Variants in NELL1 observed in about 807,000 individuals in gnomAD.
The protein encoded by NELL1 is protein kinase C-binding protein NELL1.
In NELL1, 76 loss-of-function variants were observed where a neutral mutation model predicts 107.4. The observed-to-expected ratio is 0.71, with a 90% CI of 0.59 to 0.86. The LOEUF (loss-of-function observed/expected upper bound fraction) is 0.86, where lower values mean the gene tolerates loss of function less well. Among genes scored for constraint, NELL1 ranks in the 40% least tolerant of loss-of-function variants. The pLI is 0.00. For synonymous variants in NELL1, 353 were observed against 341.2 expected, an observed-to-expected ratio of 1.03 and a Z score of -0.38; for missense variants, 1,024 against 1,005.5, an observed-to-expected ratio of 1.02 and a Z score of -0.25.
At chr11:21,319,026 T>C (rs185490428) in intron 14 of NELL1, among the ~76,000 whole-genome samples, 235 of 152,202 alleles carry the variant, frequency 1.5e-3, no homozygotes, top group Non-Finnish European at 2.7e-3. Context: ...AACATTGTGT[T>C]ACTTGTTTCT....
chr11:20,787,007 C>CAAAAAAAAAAAAA (rs71443763), intron 3 of NELL1, among the ~76,000 whole-genome samples: 1 of 60,852 alleles, frequency 1.6e-5, no homozygotes, highest in African/African-American at 8.1e-5. Context: ...GACTCCGTCT[C>CAAAAAAAAAAAAA]AAAAAAAAAA....
chr11:20,738,554 CA>C (rs1855815452), intron 2 of NELL1, among the ~76,000 whole-genome samples: 1 of 152,118 alleles, frequency 6.6e-6, no homozygotes, highest in Non-Finnish European at 1.5e-5. Context: ...TTGATGTTTT[CA>C]AAAAGACTTT....
chr11:21,380,083 C>G (rs1851575907), intron 15 of NELL1, among the ~76,000 whole-genome samples: 1 of 152,078 alleles, frequency 6.6e-6, no homozygotes, highest in South Asian at 2.1e-4. Context: ...ACATCCATAG[C>G]AGACAGGAGA....
chr11:20,966,484 C>T (rs1016134179), intron 12 of NELL1, among the ~76,000 whole-genome samples: 2 of 152,048 alleles, frequency 1.3e-5, no homozygotes, highest in Admixed American at 1.3e-4. Flanking sequence ...TTCTTAGTTC[C>T]TGCTCCCATT....
intron 13 of NELL1, among the ~76,000 whole-genome samples, chr11:21,182,637 T>G (rs1856852809): frequency 6.6e-6 from 1 of 150,894 alleles, no homozygotes; most frequent in Non-Finnish European, 1.5e-5. Flanking sequence ...AATAGCCTTT[T>G]CAGGAAGCAG....
chr11:21,418,985 T>C (rs573320206), intron 15 of NELL1, among the ~76,000 whole-genome samples: 1 of 152,232 alleles, frequency 6.6e-6, no homozygotes, highest in East Asian at 1.9e-4. Context: ...AAATTATCGA[T>C]GCATAATCAC....
chr11:21,316,360 A>G (rs540659162), intron 14 of NELL1, among the ~76,000 whole-genome samples: 53 of 152,330 alleles, frequency 3.5e-4, no homozygotes, highest in African/African-American at 1.2e-3. Context: ...CATTATTAAA[A>G]TTAAAATGTA....
chr11:20,886,617 C>T (rs1268988933), intron 5 of NELL1, among the ~76,000 whole-genome samples: 1 of 152,082 alleles, frequency 6.6e-6, no homozygotes, highest in East Asian at 1.9e-4. Context: ...AGGTGTAATT[C>T]CGCATGTTCT....
At chr11:20,785,669 T>C (rs1004833296) in intron 3 of NELL1, among the ~76,000 whole-genome samples, 1 of 152,226 alleles carries the variant, frequency 6.6e-6, no homozygotes, top group African/African-American at 2.4e-5. Flanking sequence ...TGATGGAGGC[T>C]GGAGTTCCAG....
At chr11:20,873,013 A>C (rs997245867) in intron 4 of NELL1, among the ~76,000 whole-genome samples, 1 of 152,118 alleles carries the variant, frequency 6.6e-6, no homozygotes, top group African/African-American at 2.4e-5. Flanking sequence ...CTGGTTACCA[A>C]TGTCTGTTTT....
At chr11:21,146,708 CA>C (rs1197552533) in intron 13 of NELL1, among the ~76,000 whole-genome samples, 19 of 152,214 alleles carry the variant, frequency 1.2e-4, no homozygotes, top group African/African-American at 4.1e-4. Flanking sequence ...AAACAGTAAA[CA>C]GAACGGGAAG....
chr11:21,178,984 C>G (rs187734489), intron 13 of NELL1, among the ~76,000 whole-genome samples: 1 of 151,738 alleles, frequency 6.6e-6, no homozygotes, highest in East Asian at 1.9e-4. Context: ...TCTGACTGAA[C>G]AGGGGATAGG....
rs557320650 is a variant in NELL1, at chr11:21,405,392, TC to T, written c.1645+34446del. On this transcript the variant is annotated intron_variant, in intron 15 of 19. Transcript: ENST00000357134. Reference sequence around the variant, plus strand: ...TACCTGTTGTAAAAAGAAACAGGATTCCAATTTTTTCTGTTGTGTTTATTAT... The same window carrying T: ...TACCTGTTGTAAAAAGAAACAGGATTCAATTTTTTCTGTTGTGTTTATTAT... 3.9e-4 allele frequency among the ~76,000 whole-genome samples: 33 copies of T among 83,836 alleles called. 1 individual carries two copies. In the South Asian group the frequency reaches 0.011, roughly 28 times the overall value. 55.0% of individuals were successfully genotyped at this position (83,836 alleles called of 152,430 possible).
chr11:20,673,801 G>C (rs984480420), intron 1 of NELL1, among the ~76,000 whole-genome samples: 1 of 152,096 alleles, frequency 6.6e-6, no homozygotes, highest in Non-Finnish European at 1.5e-5. Flanking sequence ...TCCTAGGAAA[G>C]GGCAGGAGCT....
At position 20,879,828 on chromosome 11, in the gene NELL1, T is replaced by C. The variant is rs548650566; in HGVS notation, c.507-5616T>C. On this transcript the variant is annotated intron_variant, in intron 4 of 19. Transcript: ENST00000357134. Reference sequence around the variant, plus strand: ...GTAATTTACATAGAAAAGTTTACGATTTATGGCCAAAAAGAGTTAAAGAAA... The same window carrying C: ...GTAATTTACATAGAAAAGTTTACGACTTATGGCCAAAAAGAGTTAAAGAAA... Among the ~76,000 whole-genome samples the C allele has an allele frequency of 9.3e-4, 142 of 152,278 alleles. 1 individual carries two copies. Among genetic ancestry groups the C allele is most frequent in the Non-Finnish European group, 1.2e-3 (80 of 68,016 alleles).
intron 9 of NELL1, among the ~76,000 whole-genome samples, chr11:20,934,667 A>G (rs1850686463): frequency 6.6e-6 from 1 of 152,232 alleles, no homozygotes; most frequent in Non-Finnish European, 1.5e-5. Context: ...CAGATGGCAG[A>G]TTTGACAACA....
chr11:20,705,855 G>A (rs1854936428), intron 2 of NELL1, among the ~76,000 whole-genome samples: 3 of 151,958 alleles, frequency 2.0e-5, no homozygotes, highest in Admixed American at 6.6e-5. Context: ...AGTGGGCAAA[G>A]TATATGAACA....
intron 13 of NELL1, among the ~76,000 whole-genome samples, chr11:21,188,922 A>C (rs1856990669): frequency 6.6e-6 from 1 of 151,820 alleles, no homozygotes; most frequent in Admixed American, 6.6e-5. Flanking sequence ...TCAAATCTTA[A>C]CATGTTGTCA....
At chr11:21,411,876 G>A (rs1234288125) in intron 15 of NELL1, among the ~76,000 whole-genome samples, 1 of 152,006 alleles carries the variant, frequency 6.6e-6, no homozygotes, top group Non-Finnish European at 1.5e-5. Context: ...TTTAAGTGTT[G>A]GCTGTGAGAT....
Sources: gnomAD v4.1 joint callset for allele counts (sites outside exome capture counted in the v4.1 genomes callset) on GRCh38, gnomAD v4.1.1 for gene constraint, MANE v1.5 for transcripts, NCBI Gene and HGNC (gene_info 2026-07-23, HGNC 2026-07-21) for gene names.